Variants in CGGBP1 observed in about 807,000 individuals in gnomAD.
The protein encoded by CGGBP1 is CGG triplet repeat binding protein 1, also known as CGG triplet repeat-binding protein 1.
In CGGBP1, 4 loss-of-function variants were observed where a neutral mutation model predicts 11.4. The ratio of observed to expected loss-of-function variants is 0.35; its 90% confidence interval spans 0.17 to 0.80. CGGBP1 has a LOEUF of 0.80. Among genes scored for constraint, CGGBP1 ranks in the 30% least tolerant of loss-of-function variants. The pLI, the probability that CGGBP1 is intolerant of heterozygous loss-of-function variation, is 0.52. For synonymous variants in CGGBP1, 76 were observed against 74.1 expected, an observed-to-expected ratio of 1.03 and a Z score of -0.13; for missense variants, 135 against 202.1, an observed-to-expected ratio of 0.67 and a Z score of 2.01.
intron 2 of CGGBP1, among the ~76,000 whole-genome samples, chr3:88,074,630 T>C (rs4858992): frequency 0.78 from 119,069 of 152,088 alleles, 47,528 homozygotes; most frequent in South Asian, 0.91. Flanking sequence ...CGTGAGCCAC[T>C]GCGCCCGGCC....
intron 2 of CGGBP1, chr3:88,139,140 G>A: frequency 1.5e-6 from 2 of 1,308,364 alleles, no homozygotes; most frequent in South Asian, 2.9e-5. Context: ...AAGGACGGAG[G>A]AACAGCAAGG....
intron 3 of CGGBP1, 66 bp downstream of exon 3, chr3:88,057,125 T>G (rs1341893880): frequency 6.6e-6 from 1 of 152,212 alleles, no homozygotes. Flanking sequence ...TAATTCTAAG[T>G]GTGCTCTGAA....
At chr3:88,066,842 C>T (rs1290194319) in intron 2 of CGGBP1, among the ~76,000 whole-genome samples, 1 of 152,078 alleles carries the variant, frequency 6.6e-6, no homozygotes, top group Admixed American at 6.5e-5. Flanking sequence ...AAATATGTGT[C>T]TGGTAAGATA....
chr3:88,111,255 A>G (rs189627704), intron 2 of CGGBP1, among the ~76,000 whole-genome samples: 1 of 152,174 alleles, frequency 6.6e-6, no homozygotes. Flanking sequence ...GAAAAATTAC[A>G]AAACGATTAA....
chr3:88,132,451 T>G (rs1161584785), intron 2 of CGGBP1, among the ~76,000 whole-genome samples: 2 of 152,208 alleles, frequency 1.3e-5, no homozygotes, highest in African/African-American at 2.4e-5. Flanking sequence ...CCTGCCCTTT[T>G]GGTCTTCTAA....
intron 2 of CGGBP1, among the ~76,000 whole-genome samples, chr3:88,119,086 G>A (rs1300500467): frequency 1.5e-4 from 22 of 149,448 alleles, no homozygotes; most frequent in African/African-American, 4.7e-4. Context: ...ACATGCACAC[G>A]TATGTTTACT....
chr3:88,106,784 C>T (rs7630028), intron 2 of CGGBP1, among the ~76,000 whole-genome samples: 119,221 of 152,158 alleles, frequency 0.78, 47,621 homozygotes, highest in South Asian at 0.91. Context: ...TTAAACATTT[C>T]TCAGTAACCA....
chr3:88,088,289 C>A (rs952260998), intron 2 of CGGBP1, among the ~76,000 whole-genome samples: 1 of 151,680 alleles, frequency 6.6e-6, no homozygotes, highest in Non-Finnish European at 1.5e-5. Flanking sequence ...TAATGAATAT[C>A]TAAGAATCAT....
chr3:88,063,284 C>G (rs1706991354), upstream of CGGBP1, among the ~76,000 whole-genome samples: 1 of 152,056 alleles, frequency 6.6e-6, no homozygotes, highest in South Asian at 2.1e-4. Context: ...CTTTGGGACT[C>G]TTAGTGGGTA....
intron 1 of CGGBP1, chr3:88,144,647 G>A (rs1707270823): frequency 6.6e-6 from 1 of 152,282 alleles, no homozygotes; most frequent in Admixed American, 6.6e-5. Flanking sequence ...TCAATAAAAC[G>A]TCCTTGTTGG....
intron 2 of CGGBP1, among the ~76,000 whole-genome samples, chr3:88,093,122 G>A (rs1703849249): frequency 6.6e-6 from 1 of 152,146 alleles, no homozygotes; most frequent in South Asian, 2.1e-4. Context: ...TTCATTCTTT[G>A]TAGATAAGAA....
chr3:88,070,687 G>C (rs79064595), intron 2 of CGGBP1, among the ~76,000 whole-genome samples: 3,423 of 150,566 alleles, frequency 0.023, 57 homozygotes, highest in South Asian at 0.035. Flanking sequence ...GAGAAAGTAT[G>C]GCCCATAAGC....
chr3:88,129,941 A>G (rs1706346746), intron 2 of CGGBP1: 8 of 988,260 alleles, frequency 8.1e-6, no homozygotes, highest in Non-Finnish European at 1.1e-5. Flanking sequence ...TTTAAAAAAA[A>G]ATTGATTGTG....
At chr3:88,140,675 C>A (rs368756766) in intron 2 of CGGBP1, 1 of 1,613,708 alleles carries the variant, frequency 6.2e-7, no homozygotes, top group Non-Finnish European at 8.5e-7. Flanking sequence ...CAAACAGAAT[C>A]AGGACAGAAA....
chr3:88,116,819 G>A (rs1237432211), intron 2 of CGGBP1, among the ~76,000 whole-genome samples: 1 of 152,066 alleles, frequency 6.6e-6, no homozygotes, highest in African/African-American at 2.4e-5. Flanking sequence ...TTAAACTGTA[G>A]TACATGTAAA....
chr3:88,063,927 T>C (rs1310510188), upstream of CGGBP1, among the ~76,000 whole-genome samples: 1 of 152,202 alleles, frequency 6.6e-6, no homozygotes, highest in African/African-American at 2.4e-5. Context: ...CTCTGTGGTG[T>C]AAACCAAAAC....
chr3:88,062,025 A>G (rs1706914647), upstream of CGGBP1, among the ~76,000 whole-genome samples: 1 of 152,160 alleles, frequency 6.6e-6, no homozygotes, highest in Non-Finnish European at 1.5e-5. Flanking sequence ...TCTTTTCCAG[A>G]GGGGTTTTTG....
At chr3:88,142,828 T>C (rs1175215513) in intron 1 of CGGBP1, 2 of 152,258 alleles carry the variant, frequency 1.3e-5, no homozygotes, top group African/African-American at 4.8e-5. Context: ...AGAGATACAT[T>C]CAAGCATTGT....
intron 2 of CGGBP1, among the ~76,000 whole-genome samples, chr3:88,069,278 C>T (rs913814720): frequency 1.1e-4 from 16 of 152,176 alleles, no homozygotes; most frequent in South Asian, 6.2e-4. Context: ...AAAAATTAGT[C>T]GGGCATGGTG....
Sources: gnomAD v4.1 joint callset for allele counts (sites outside exome capture counted in the v4.1 genomes callset) on GRCh38, gnomAD v4.1.1 for gene constraint, MANE v1.5 for transcripts, NCBI Gene and HGNC (gene_info 2026-07-23, HGNC 2026-07-21) for gene names.